The following CREM variants were observed in gnomAD, a reference collection of about 807,000 sequenced individuals.
The protein encoded by CREM is cAMP responsive element modulator, also known as cAMP-responsive element modulator.
A neutral mutation model predicts 37.3 loss-of-function variants in CREM; 13 were observed. That is an observed-to-expected ratio of 0.35 (90% CI 0.23 to 0.55). The LOEUF is 0.55. CREM is among the 20% of genes least tolerant of loss of function. The pLI, the probability that CREM is intolerant of heterozygous loss-of-function variation, is 0.88. For synonymous variants in CREM, 124 were observed against 120.2 expected (o/e 1.03, Z -0.21); for missense variants, 296 against 362.3 (o/e 0.82, Z 1.49).
At chr10:35,193,828 G>T (rs970404144) in intron 6 of CREM, among the ~76,000 whole-genome samples, 22 of 152,130 alleles carry the variant, frequency 1.4e-4, no homozygotes, top group African/African-American at 5.3e-4. Flanking sequence ...CTTTGGGTGC[G>T]GTGGCTCACA....
chr10:35,202,986 A>G (rs2095421741), intron 6 of CREM, among the ~76,000 whole-genome samples: 1 of 152,288 alleles, frequency 6.6e-6, no homozygotes, highest in African/African-American at 2.4e-5. Context: ...TTCTGGAAAC[A>G]GGCAAGAGTT....
At chr10:35,184,109 A>G (rs974935470) in intron 5 of CREM, among the ~76,000 whole-genome samples, 3 of 152,146 alleles carry the variant, frequency 2.0e-5, no homozygotes, top group African/African-American at 4.8e-5. Flanking sequence ...TAAGAAGTGT[A>G]TAACATCGCC....
At chr10:35,136,257 T>C (rs761289960) in intron 1 of CREM, among the ~76,000 whole-genome samples, 8 of 152,228 alleles carry the variant, frequency 5.3e-5, no homozygotes, top group Non-Finnish European at 1.2e-4. Flanking sequence ...GATATAGTGC[T>C]GTGATTATCA....
chr10:35,134,913 C>T (rs1589227338), intron 1 of CREM, among the ~76,000 whole-genome samples: 1 of 152,008 alleles, frequency 6.6e-6, no homozygotes, highest in South Asian at 2.1e-4. Flanking sequence ...TGGCATGCGC[C>T]TGTAATCCCA....
intron 2 of CREM, among the ~76,000 whole-genome samples, chr10:35,147,646 T>A (rs995504717): frequency 5.3e-5 from 8 of 152,186 alleles, no homozygotes; most frequent in African/African-American, 1.7e-4. Context: ...TCACACTACC[T>A]CATAACATAA....
chr10:35,146,193 G>A (rs1193153350), intron 2 of CREM, among the ~76,000 whole-genome samples: 8 of 152,254 alleles, frequency 5.3e-5, no homozygotes, highest in Non-Finnish European at 1.0e-4. Context: ...CCAAGTTGTT[G>A]CAGAATCTTA....
chr10:35,199,283 C>G (rs1210937780), intron 6 of CREM, among the ~76,000 whole-genome samples: 1 of 152,138 alleles, frequency 6.6e-6, no homozygotes, highest in Non-Finnish European at 1.5e-5. Context: ...ACCAAATCTG[C>G]AGGGTGAAAT....
chr10:35,151,913 A>G (rs1011399620), intron 3 of CREM, among the ~76,000 whole-genome samples: 3 of 152,214 alleles, frequency 2.0e-5, no homozygotes, highest in Non-Finnish European at 2.9e-5. Context: ...CTGTTCGTTT[A>G]TGAGTATTGT....
intron 2 of CREM, among the ~76,000 whole-genome samples, chr10:35,142,538 T>C (rs184617292): frequency 6.6e-6 from 1 of 151,994 alleles, no homozygotes; most frequent in East Asian, 1.9e-4. Flanking sequence ...AATGGGAGAG[T>C]AGTAAGCCAA....
At chr10:35,184,061 T>G (rs960464013) in intron 5 of CREM, among the ~76,000 whole-genome samples, 11 of 151,782 alleles carry the variant, frequency 7.2e-5, no homozygotes, top group Non-Finnish European at 1.3e-4. Flanking sequence ...GCGAGAAGAG[T>G]GAAAGTCCAT....
chr10:35,130,775 C>T (rs749043108), intron 1 of CREM, among the ~76,000 whole-genome samples: 14 of 152,124 alleles, frequency 9.2e-5, no homozygotes, highest in Admixed American at 2.6e-4. Context: ...GGTGTGTAGT[C>T]GGTTGTGCCA....
At chr10:35,174,261 C>A (rs896613700) in intron 3 of CREM, among the ~76,000 whole-genome samples, 8 of 152,186 alleles carry the variant, frequency 5.3e-5, no homozygotes, top group African/African-American at 1.9e-4. Context: ...CCATACTGAT[C>A]TTTCTATTCT....
At chr10:35,135,318 C>T (rs1027895855) in intron 1 of CREM, 1 of 152,018 alleles carries the variant, frequency 6.6e-6, no homozygotes, top group Non-Finnish European at 1.5e-5. Context: ...GCTTAAGAGT[C>T]CCTTGGCAGA....
chr10:35,156,721 A>G (rs888000447), intron 3 of CREM, among the ~76,000 whole-genome samples: 7 of 152,220 alleles, frequency 4.6e-5, no homozygotes, highest in Non-Finnish European at 1.0e-4. Flanking sequence ...TTGTAGCCCT[A>G]TCAGAGATAA....
At chr10:35,159,174 C>T (rs2093134178) in intron 3 of CREM, among the ~76,000 whole-genome samples, 1 of 151,822 alleles carries the variant, frequency 6.6e-6, no homozygotes, top group Admixed American at 6.6e-5. Flanking sequence ...CTTTTAGTTT[C>T]TCTTAATCAT....
chr10:35,195,514 A>G (rs2095117855), intron 6 of CREM, among the ~76,000 whole-genome samples: 2 of 144,150 alleles, frequency 1.4e-5, no homozygotes. Flanking sequence ...CCTCTCCTCC[A>G]TCTCTGTGTC....
At chr10:35,170,051 C>T (rs1407686474) in intron 3 of CREM, among the ~76,000 whole-genome samples, 1 of 149,624 alleles carries the variant, frequency 6.7e-6, no homozygotes, top group Non-Finnish European at 1.5e-5. Context: ...CAAGCTCCAT[C>T]TCCTGGGTTC....
intron 1 of CREM, among the ~76,000 whole-genome samples, chr10:35,135,147 A>G (rs190682270): frequency 2.0e-5 from 3 of 152,278 alleles, no homozygotes; most frequent in African/African-American, 7.2e-5. Context: ...TTTTGTAATC[A>G]TACCTAATAA....
intron 6 of CREM, among the ~76,000 whole-genome samples, chr10:35,202,006 G>A (rs2095399539): frequency 6.6e-6 from 1 of 152,102 alleles, no homozygotes; most frequent in South Asian, 2.1e-4. Context: ...GATTCTAGGG[G>A]TTTCTGGGGT....
Sources: allele counts gnomAD v4.1 joint callset (sites outside exome capture counted in the v4.1 genomes callset), GRCh38; gene constraint gnomAD v4.1.1; transcripts MANE v1.5; gene names NCBI Gene and HGNC (gene_info 2026-07-23, HGNC 2026-07-21).